The following GABRG1 variants were observed in gnomAD, a reference collection of about 807,000 sequenced individuals.
GABRG1 encodes the protein gamma-aminobutyric acid receptor subunit gamma-1.
A neutral mutation model predicts 49.8 loss-of-function variants in GABRG1; 49 were observed. The observed-to-expected ratio is 0.98, with a 90% CI of 0.78 to 1.25. The LOEUF (loss-of-function observed/expected upper bound fraction) is 1.25. Ranked by LOEUF, GABRG1 falls within the 50% of genes most tolerant of loss-of-function variation. GABRG1 has a pLI of 0.00. For synonymous variants in GABRG1, 232 were observed against 185.1 expected (o/e 1.25, Z -2.06); for missense variants, 552 against 552.3 (o/e 1.00, Z 0.01).
chr4:46,091,330 T>C (rs1382511046), intron 2 of GABRG1, among the ~76,000 whole-genome samples: 1 of 152,030 alleles, frequency 6.6e-6, no homozygotes, highest in East Asian at 1.9e-4. Flanking sequence ...TGGAATAAAA[T>C]AATGTCATGT....
rs989316478 is a variant in GABRG1 at position 46,078,058 on chromosome 4, TA to T, written c.321+5927del. ...TTTATTATTTTAAAATAAGATCTGT[TA>T]AAAAATATATTTTATGTAGTGACAA... On this transcript the variant is annotated intron_variant, in intron 3 of 8. Coordinates refer to ENST00000295452, the MANE Select transcript of GABRG1 (RefSeq NM_173536.4). 1.1e-4 allele frequency among the ~76,000 whole-genome samples: 16 copies of T among 151,704 alleles called. No homozygotes were observed. The East Asian group carries it at 1.4e-3, about 13-fold the overall frequency.
intron 5 of GABRG1, 121 bp from the exon 6 acceptor site, chr4:46,058,743 CAT>C (rs1267037483): frequency 1.0e-5 from 7 of 703,464 alleles, no homozygotes; most frequent in Non-Finnish European, 1.6e-5. Flanking sequence ...ATATGCCAAA[CAT>C]AGAATATTTG....
intron 5 of GABRG1, among the ~76,000 whole-genome samples, chr4:46,061,183 T>C (rs1718658221): frequency 6.6e-6 from 1 of 152,154 alleles, no homozygotes; most frequent in Admixed American, 6.6e-5. Flanking sequence ...GAACTTTTCC[T>C]TGAGTTCCTT....
intron 3 of GABRG1, among the ~76,000 whole-genome samples, chr4:46,073,771 G>T (rs893901809): frequency 2.6e-5 from 4 of 151,904 alleles, no homozygotes; most frequent in African/African-American, 7.2e-5. Context: ...GATAAATTAC[G>T]CACAATAAGA....
At chr4:46,048,738 A>G (rs186939107) in intron 8 of GABRG1, among the ~76,000 whole-genome samples, 1 of 151,780 alleles carries the variant, frequency 6.6e-6, no homozygotes, top group Non-Finnish European at 1.5e-5. Flanking sequence ...CAAAAAAGAC[A>G]AATGAAAGAA....
intron 1 of GABRG1, among the ~76,000 whole-genome samples, chr4:46,111,835 T>C (rs1720725724): frequency 1.3e-5 from 2 of 151,244 alleles, no homozygotes; most frequent in African/African-American, 2.4e-5. Flanking sequence ...CATACAAAAA[T>C]TGACTCATGA....
intron 1 of GABRG1, among the ~76,000 whole-genome samples, chr4:46,111,462 A>G (rs1404869796): frequency 7.3e-5 from 11 of 151,118 alleles, no homozygotes; most frequent in Admixed American, 7.3e-4. Context: ...AAGCTAACAA[A>G]AGAGTTTTCC....
At position 46,044,887 on chromosome 4, in the gene GABRG1, G is replaced by T. The variant is rs528200199; in HGVS notation, c.1132-3633C>A. On this transcript the variant is annotated intron_variant, in intron 8 of 8. Coordinates refer to ENST00000295452, the MANE Select transcript of GABRG1 (RefSeq NM_173536.4). ...AAACTTTCACTATCCTAGGAGAAAG[G>T]TTAGGGCTCTTGATGTTGGAACTGG... is the stretch of plus-strand genomic sequence containing the variant. Among the ~76,000 whole-genome samples the T allele has an allele frequency of 2.9e-3, 441 of 152,140 alleles. 2 individuals carry two copies. The highest frequency in any genetic ancestry group is 4.9e-3 in the Non-Finnish European group (334 of 67,978).
At chr4:46,044,200 C>A (rs191067131) in intron 8 of GABRG1, among the ~76,000 whole-genome samples, 1 of 152,056 alleles carries the variant, frequency 6.6e-6, no homozygotes, top group Non-Finnish European at 1.5e-5. Context: ...AGGCTGGGCA[C>A]GTTGGCTCAC....
chr4:46,077,856 T>C, intron 3 of GABRG1, among the ~76,000 whole-genome samples: 1 of 151,760 alleles, frequency 6.6e-6, no homozygotes, highest in Non-Finnish European at 1.5e-5. Context: ...AAAATTATTT[T>C]GATAATTTTT....
At chr4:46,121,500 A>G (rs140910194) in intron 1 of GABRG1, among the ~76,000 whole-genome samples, 60 of 152,096 alleles carry the variant, frequency 3.9e-4, no homozygotes, top group African/African-American at 1.2e-3. Context: ...TTTAATTGCT[A>G]TATTTCCCAA....
chr4:46,095,019 A>C (rs1448699665), intron 2 of GABRG1, among the ~76,000 whole-genome samples: 1 of 151,974 alleles, frequency 6.6e-6, no homozygotes, highest in Non-Finnish European at 1.5e-5. Context: ...CTTGAATAAA[A>C]TAATTCAGAA....
chr4:46,056,137 A>T (rs1718421766), intron 7 of GABRG1, among the ~76,000 whole-genome samples: 1 of 22,394 alleles, frequency 4.5e-5, no homozygotes, highest in Non-Finnish European at 7.3e-5. Context: ...AAAAAAAAAA[A>T]TAAATAAATA....
At chr4:46,119,952 ATC>A (rs1423270617) in intron 1 of GABRG1, among the ~76,000 whole-genome samples, 1 of 151,712 alleles carries the variant, frequency 6.6e-6, no homozygotes, top group African/African-American at 2.4e-5. Context: ...TCCACAGAAT[ATC>A]TGTTATGACT....
chr4:46,107,317 T>C (rs1425725070), intron 1 of GABRG1, among the ~76,000 whole-genome samples: 1 of 151,316 alleles, frequency 6.6e-6, no homozygotes, highest in Non-Finnish European at 1.5e-5. Flanking sequence ...AATTGAATAA[T>C]ATATATGTTC....
In GABRG1 at chr4:46,097,499, A is replaced by G. The variant is rs192639953; in HGVS notation, c.105-150T>C. The G allele has an allele frequency of 3.1e-5, 20 of 647,436 alleles. No homozygotes were observed. In the Admixed American group the frequency reaches 5.2e-4, roughly 17 times the overall value. 40.1% of individuals were successfully genotyped at this position (647,436 alleles called of 1,614,324 possible). A position where few individuals can be genotyped will look rare whatever the true frequency, so the allele number is the denominator to read the frequency against. On this transcript the variant is annotated intron_variant, in intron 1 of 8. Transcript: ENST00000295452. Reference sequence around the variant, plus strand: ...ACATTACATTTAGTAAGACCAATACATTTGTCATACAAAGTGCCCTGATAT... The same window carrying G: ...ACATTACATTTAGTAAGACCAATACGTTTGTCATACAAAGTGCCCTGATAT...
chr4:46,097,625 T>C (rs1398299510), intron 1 of GABRG1, among the ~76,000 whole-genome samples: 1 of 151,612 alleles, frequency 6.6e-6, no homozygotes, highest in African/African-American at 2.4e-5. Flanking sequence ...TTCATAAAAA[T>C]TATTCCACCA....
chr4:46,093,460 T>A, intron 2 of GABRG1, among the ~76,000 whole-genome samples: 1 of 151,908 alleles, frequency 6.6e-6, no homozygotes, highest in Non-Finnish European at 1.5e-5. Flanking sequence ...GGTAGTGAGG[T>A]AGGGGAGTGG....
At position 46,038,212 on chromosome 4, in the gene GABRG1, T is replaced by A. The variant is rs1212344968; in HGVS notation, c.*2776A>T. On this transcript the variant is annotated 3_prime_UTR_variant, in exon 9 of 9. Coordinates refer to ENST00000295452, the MANE Select transcript of GABRG1 (RefSeq NM_173536.4). ...AGTATTCTATGTATTTTTTACTTTT[T>A]TTTAGAACTTACTTGGGTTTACAAA... 1 of 151,720 alleles carries A rather than the reference T, an allele frequency of 6.6e-6. No homozygotes were observed. The highest frequency in any genetic ancestry group is 6.6e-5 in the Admixed American group (1 of 15,154). The allele number at this position is 151,720 out of a possible 1,614,324, so 9.4% of individuals were successfully genotyped here.
Sources: allele counts gnomAD v4.1 joint callset (sites outside exome capture counted in the v4.1 genomes callset), GRCh38; gene constraint gnomAD v4.1.1; transcripts MANE v1.5; gene names NCBI Gene and HGNC (gene_info 2026-07-23, HGNC 2026-07-21).